TFDP2: variants seen among roughly 807,000 people sequenced by gnomAD.
The protein encoded by TFDP2 is transcription factor Dp-2 (E2F dimerization partner 2).
Under a neutral mutation model 59.3 loss-of-function variants are expected in TFDP2, and 17 were observed. The ratio of observed to expected loss-of-function variants is 0.29; its 90% CI spans 0.20 to 0.43. The LOEUF is 0.43. TFDP2 is among the 20% of genes least tolerant of loss of function. The pLI, the probability that TFDP2 is intolerant of heterozygous loss-of-function variation, is 1.00. For missense variants in TFDP2, 391 were observed against 528.8 expected (o/e 0.74, Z 2.56); for synonymous variants, 180 against 194.7 (o/e 0.92, Z 0.63).
chr3:141,969,165 C>T (rs370021118), intron 9 of TFDP2, among the ~76,000 whole-genome samples: 2 of 41,162 alleles, frequency 4.9e-5, no homozygotes, highest in Admixed American at 2.9e-4. Context: ...ATATATATAA[C>T]ATATATATAT....
At chr3:142,025,694 C>A (rs1946023123) in intron 3 of TFDP2, among the ~76,000 whole-genome samples, 1 of 152,088 alleles carries the variant, frequency 6.6e-6, no homozygotes, top group Non-Finnish European at 1.5e-5. Flanking sequence ...AATTGTTTTA[C>A]TTATTTTAGA....
chr3:142,082,470 G>T (rs151164665), intron 3 of TFDP2, among the ~76,000 whole-genome samples: 33 of 152,214 alleles, frequency 2.2e-4, no homozygotes, highest in Non-Finnish European at 4.3e-4. Context: ...GGCCAAAAAG[G>T]TTGGGGACCA....
intron 3 of TFDP2, among the ~76,000 whole-genome samples, chr3:142,006,703 A>T (rs891466184): frequency 6.6e-6 from 1 of 152,130 alleles, no homozygotes; most frequent in African/African-American, 2.4e-5. Flanking sequence ...CTGGGCTTCA[A>T]GCAGTTCTCC....
At chr3:141,954,290 C>CT (rs928322145) in intron 11 of TFDP2, among the ~76,000 whole-genome samples, 7 of 152,144 alleles carry the variant, frequency 4.6e-5, no homozygotes, top group Non-Finnish European at 1.0e-4. Context: ...TGGTTTAATA[C>CT]TTTTTATCTT....
intron 1 of TFDP2, among the ~76,000 whole-genome samples, chr3:142,123,770 C>T (rs2062136030): frequency 1.3e-5 from 2 of 152,124 alleles, no homozygotes; most frequent in South Asian, 2.1e-4. Context: ...ACTATTATCA[C>T]TCACCACTAT....
At chr3:142,055,207 G>C (rs1048944177) in intron 3 of TFDP2, among the ~76,000 whole-genome samples, 8 of 152,134 alleles carry the variant, frequency 5.3e-5, no homozygotes, top group African/African-American at 1.2e-4. Flanking sequence ...TCATAAAACA[G>C]GTTAATTTTA....
chr3:142,128,617 A>C (rs777744664), intron 1 of TFDP2, among the ~76,000 whole-genome samples: 41 of 152,154 alleles, frequency 2.7e-4, no homozygotes, highest in Non-Finnish European at 5.3e-4. Flanking sequence ...AGGCCAAGAT[A>C]ACAAAACAGG....
chr3:142,118,128 G>A (rs991879749), intron 1 of TFDP2, among the ~76,000 whole-genome samples: 9 of 151,928 alleles, frequency 5.9e-5, no homozygotes, highest in Admixed American at 5.9e-4. Flanking sequence ...GCTGGGGGGA[G>A]GATTAAAGAG....
intron 3 of TFDP2, among the ~76,000 whole-genome samples, chr3:142,030,473 A>G (rs1343902990): frequency 1.3e-5 from 2 of 152,196 alleles, no homozygotes; most frequent in South Asian, 4.1e-4. Context: ...AAAATCTTAC[A>G]TGTTTATATT....
At chr3:142,094,591 C>A (rs1156633962) in intron 2 of TFDP2, among the ~76,000 whole-genome samples, 1 of 152,164 alleles carries the variant, frequency 6.6e-6, no homozygotes. Context: ...AGGCATCAGT[C>A]ACCACGCCCA....
chr3:142,047,129 C>T, intron 3 of TFDP2, among the ~76,000 whole-genome samples: 1 of 152,160 alleles, frequency 6.6e-6, no homozygotes, highest in East Asian at 1.9e-4. Context: ...TCCAGATTAA[C>T]AACGTTGAAA....
intron 3 of TFDP2, among the ~76,000 whole-genome samples, chr3:142,021,267 T>C (rs1945579959): frequency 6.6e-6 from 1 of 152,176 alleles, no homozygotes; most frequent in South Asian, 2.1e-4. Flanking sequence ...CCTCTTTCTA[T>C]TTGGTTCTAA....
chr3:142,127,147 T>G (rs1474719984), intron 1 of TFDP2, among the ~76,000 whole-genome samples: 2 of 148,422 alleles, frequency 1.3e-5, no homozygotes, highest in Non-Finnish European at 3.0e-5. Context: ...TACAGATATA[T>G]GTATCTATAA....
At chr3:142,143,234 T>TA (rs922437988) in intron 1 of TFDP2, among the ~76,000 whole-genome samples, 77 of 146,870 alleles carry the variant, frequency 5.2e-4, no homozygotes, top group Non-Finnish European at 7.7e-4. Context: ...AGACCCTGTC[T>TA]AAAAAAAAAA....
intron 6 of TFDP2, among the ~76,000 whole-genome samples, chr3:141,985,399 T>C (rs1028035713): frequency 2.0e-5 from 3 of 151,022 alleles, no homozygotes; most frequent in Non-Finnish European, 4.4e-5. Context: ...TGTGGTGATA[T>C]ATGCCAGCTA....
chr3:142,038,446 T>C (rs1042715213), intron 3 of TFDP2, among the ~76,000 whole-genome samples: 2 of 135,434 alleles, frequency 1.5e-5, no homozygotes, highest in African/African-American at 5.6e-5. Context: ...AAGAATTAAA[T>C]AGATGTAGAA....
chr3:142,122,692 A>G lies in TFDP2; in HGVS notation c.-92-20851T>C, dbSNP rs151188164. The stretch of plus-strand genomic sequence containing the variant: ...TCCAAGCAACACACAGTTACTGGCC[A>G]CAGGGACACCTCTGGGAGGAAGCAT... On this transcript the variant is annotated intron_variant, in intron 1 of 12. Transcript: ENST00000489671. Among the ~76,000 whole-genome samples, 697 of 152,294 alleles carry G rather than the reference A, an allele frequency of 4.6e-3. 5 individuals are homozygous for G. The highest frequency in any genetic ancestry group is 0.016 in the African/African-American group (651 of 41,568).
intron 3 of TFDP2, among the ~76,000 whole-genome samples, chr3:142,055,996 C>T (rs544639682): frequency 8.0e-6 from 1 of 125,302 alleles, no homozygotes; most frequent in East Asian, 2.5e-4. Flanking sequence ...CTCTGTCGCC[C>T]AGGCTGGAGT....
chr3:142,035,307 C>T (rs1946639493), intron 3 of TFDP2, among the ~76,000 whole-genome samples: 1 of 152,184 alleles, frequency 6.6e-6, no homozygotes, highest in Non-Finnish European at 1.5e-5. Context: ...GCATGCCATA[C>T]AAAAACCTAC....
Sources: gnomAD v4.1 joint callset for allele counts (sites outside exome capture counted in the v4.1 genomes callset) on GRCh38, gnomAD v4.1.1 for gene constraint, MANE v1.5 for transcripts, NCBI Gene and HGNC (gene_info 2026-07-23, HGNC 2026-07-21) for gene names.